Variants in LHCGR observed in about 807,000 individuals in gnomAD.
The protein encoded by LHCGR is luteinizing hormone/choriogonadotropin receptor.
In LHCGR, 55 loss-of-function variants were observed where a neutral mutation model predicts 60.7. The observed-to-expected ratio is 0.91, with a 90% CI of 0.73 to 1.13. The LOEUF (loss-of-function observed/expected upper bound fraction) is 1.13, where lower values mean the gene tolerates loss of function less well. LHCGR is among the 50% of genes most tolerant of loss of function. LHCGR has a pLI of 0.00. For missense variants in LHCGR, 862 were observed against 836.0 expected (o/e 1.03, Z -0.38); for synonymous variants, 337 against 316.5 (o/e 1.06, Z -0.69).
At chr2:48,702,464 G>A (rs759474896) in intron 8 of LHCGR, among the ~76,000 whole-genome samples, 9 of 151,588 alleles carry the variant, frequency 5.9e-5, no homozygotes, top group Non-Finnish European at 8.8e-5. Flanking sequence ...CCTCCGTGTC[G>A]ATGTGTTCTC....
chr2:48,721,937 G>A (rs1293909194), intron 6 of LHCGR, among the ~76,000 whole-genome samples: 2 of 152,148 alleles, frequency 1.3e-5, no homozygotes, highest in African/African-American at 4.8e-5. Flanking sequence ...AGGTCATGAG[G>A]TCAAGAGATG....
intron 9 of LHCGR, 100 bp from the exon 10 acceptor site, chr2:48,694,404 T>A: frequency 1.4e-6 from 1 of 739,852 alleles, no homozygotes. Flanking sequence ...ATTCTTTACC[T>A]ATTACACCAG....
chr2:48,745,537 TC>T (rs1158325767), intron 1 of LHCGR, among the ~76,000 whole-genome samples: 1 of 152,050 alleles, frequency 6.6e-6, no homozygotes, highest in African/African-American at 2.4e-5. Context: ...TGAGTTCACG[TC>T]CTTTGTAGGG....
At chr2:48,713,051 T>C (rs575309478) in intron 7 of LHCGR, among the ~76,000 whole-genome samples, 2 of 152,178 alleles carry the variant, frequency 1.3e-5, no homozygotes, top group Non-Finnish European at 2.9e-5. Context: ...CATCAGCATC[T>C]CCTGAAGCTT....
intron 8 of LHCGR, among the ~76,000 whole-genome samples, chr2:48,701,119 G>C (rs1216027659): frequency 6.6e-6 from 1 of 152,068 alleles, no homozygotes; most frequent in Non-Finnish European, 1.5e-5. Flanking sequence ...AGGAAATAGA[G>C]AGTGAGGGGC....
chr2:48,731,377 G>A, intron 1 of LHCGR, 79 bp from the exon 2 acceptor site: 1 of 912,632 alleles, frequency 1.1e-6, no homozygotes, highest in Non-Finnish European at 1.8e-6. Flanking sequence ...AAATGGGTAT[G>A]TGTATGTGTG....
chr2:48,741,253 T>C (rs1007129582), intron 1 of LHCGR, among the ~76,000 whole-genome samples: 4 of 152,206 alleles, frequency 2.6e-5, no homozygotes, highest in African/African-American at 9.7e-5. Flanking sequence ...TGGAACCAAG[T>C]TGGAAAACAC....
At chr2:48,714,151 T>G in intron 6 of LHCGR, 97 bp from the exon 7 acceptor site, 1 of 800,830 alleles carries the variant, frequency 1.2e-6, no homozygotes, top group Non-Finnish European at 2.2e-6. Context: ...ACTAAGGTTA[T>G]TACAGGCATT....
At chr2:48,751,669 G>A (rs1669962096) in intron 1 of LHCGR, among the ~76,000 whole-genome samples, 2 of 152,192 alleles carry the variant, frequency 1.3e-5, no homozygotes, top group Non-Finnish European at 2.9e-5. Context: ...GGAAGAGGAA[G>A]ACACTCAAGA....
At chr2:48,689,064 C>A (rs1680060473) in intron 10 of LHCGR, among the ~76,000 whole-genome samples, 1 of 151,652 alleles carries the variant, frequency 6.6e-6, no homozygotes, top group Non-Finnish European at 1.5e-5. Context: ...TATACACACA[C>A]ATATATACAC....
In LHCGR at chr2:48,697,835, G is replaced by C. The variant is rs558068558; in HGVS notation, c.866+780C>G. On this transcript the variant is annotated intron_variant, in intron 9 of 10. Transcript: ENST00000294954. ...AAGACTGGCATTAAAAATAAAAAAA[G>C]CATAAAATAAAATAGAGTAAAATAA... is the stretch of plus-strand genomic sequence containing the variant. Among the ~76,000 whole-genome samples the C allele has an allele frequency of 2.6e-5, 4 of 152,112 alleles. No individual in the cohort carries two copies. In the South Asian group the frequency reaches 8.3e-4, roughly 32 times the overall value.
At chr2:48,742,738 C>A (rs1191944513) in intron 1 of LHCGR, among the ~76,000 whole-genome samples, 1 of 152,060 alleles carries the variant, frequency 6.6e-6, no homozygotes, top group African/African-American at 2.4e-5. Context: ...CAAGAGACAG[C>A]AGGAAAGATC....
At chr2:48,703,397 T>C (rs1273786983) in intron 8 of LHCGR, among the ~76,000 whole-genome samples, 1 of 152,256 alleles carries the variant, frequency 6.6e-6, no homozygotes, top group Non-Finnish European at 1.5e-5. Context: ...TAGGTTTTTA[T>C]GTTTTTAGGT....
At chr2:48,721,875 G>T (rs1009323361) in intron 6 of LHCGR, 12 of 443,652 alleles carry the variant, frequency 2.7e-5, no homozygotes, top group African/African-American at 2.5e-4. Flanking sequence ...ATGAGGCCGG[G>T]GGGTGGTGAC....
In LHCGR at chr2:48,697,254, G is replaced by A. The variant is rs145337887; in HGVS notation, c.866+1361C>T. ...ACTCCTGCCTGTTCTTCAAGACTCA[G>A]CATAAATCACTTCCCTCAGGAAGCC... is the stretch of plus-strand genomic sequence containing the variant. On this transcript the variant is annotated intron_variant, in intron 9 of 10. Transcript: ENST00000294954. Among the ~76,000 whole-genome samples the A allele has an allele frequency of 1.3e-3, 197 of 152,264 alleles. 2 individuals carry two copies. Among genetic ancestry groups the A allele is most frequent in the African/African-American group, 4.5e-3 (185 of 41,548 alleles).
chr2:48,753,712 T>C (rs1483799736), intron 1 of LHCGR, among the ~76,000 whole-genome samples: 2 of 152,156 alleles, frequency 1.3e-5, no homozygotes, highest in Non-Finnish European at 2.9e-5. Context: ...GAGATCTTAC[T>C]GAAAAGCTGA....
At chr2:48,729,471 C>A (rs961327672) in intron 2 of LHCGR, among the ~76,000 whole-genome samples, 9 of 152,144 alleles carry the variant, frequency 5.9e-5, no homozygotes, top group African/African-American at 2.2e-4. Flanking sequence ...GTTTATGTGA[C>A]AAGTTTTTCT....
rs539972921 is a variant in LHCGR at position 48,752,262 on chromosome 2, T to G, written c.161+3249A>C. ...ATAAGCAGCTATAATCCATGTACCT[T>G]GTTTTTTTTCTTCTTCTTAAACCAA... On this transcript the variant is annotated intron_variant, in intron 1 of 10. Transcript: ENST00000294954. 6.6e-5 allele frequency among the ~76,000 whole-genome samples: 10 copies of G among 152,310 alleles called. No individual in the cohort carries two copies. The East Asian group carries it at 1.2e-3, about 18-fold the overall frequency.
chr2:48,708,428 G>C (rs539051902), intron 8 of LHCGR, among the ~76,000 whole-genome samples: 1 of 152,138 alleles, frequency 6.6e-6, no homozygotes, highest in Non-Finnish European at 1.5e-5. Flanking sequence ...CAGTACCTCA[G>C]ACCTTATTTA....
Sources: allele counts gnomAD v4.1 joint callset (sites outside exome capture counted in the v4.1 genomes callset), GRCh38; gene constraint gnomAD v4.1.1; transcripts MANE v1.5; gene names NCBI Gene and HGNC (gene_info 2026-07-23, HGNC 2026-07-21).